LSAMP: variants seen among roughly 807,000 people sequenced by gnomAD.
LSAMP encodes the protein limbic system associated membrane protein, also known as limbic system-associated membrane protein.
In LSAMP, 7 loss-of-function variants were observed where a neutral mutation model predicts 38.6. The observed-to-expected ratio is 0.18, with a 90% CI of 0.10 to 0.34. The LOEUF (loss-of-function observed/expected upper bound fraction) is 0.34. LSAMP is among the 10% of genes least tolerant of loss of function. LSAMP has a pLI of 1.00. For synonymous variants in LSAMP, 154 were observed against 166.8 expected (o/e 0.92, Z 0.59); for missense variants, 313 against 420.0 (o/e 0.75, Z 2.23).
At chr3:116,444,765 G>A in intron 1 of LSAMP, 112 bp downstream of exon 1, 4 of 1,344,076 alleles carry the variant, frequency 3.0e-6, no homozygotes, top group African/African-American at 2.9e-5. Context: ...GCAGCATCAG[G>A]AGCTGGAGTT....
chr3:116,348,204 G>A (rs1317531831), intron 1 of LSAMP, among the ~76,000 whole-genome samples: 1 of 151,852 alleles, frequency 6.6e-6, no homozygotes, highest in Non-Finnish European at 1.5e-5. Context: ...TCTCATTCAC[G>A]ACCTGTTGTT....
At chr3:116,373,508 T>A (rs901544423) in intron 1 of LSAMP, among the ~76,000 whole-genome samples, 1 of 151,738 alleles carries the variant, frequency 6.6e-6, no homozygotes, top group African/African-American at 2.4e-5. Context: ...ATAGTAGTGA[T>A]GGTTGCACAG....
At chr3:115,866,302 C>T (rs755714962) in intron 3 of LSAMP, among the ~76,000 whole-genome samples, 19 of 152,044 alleles carry the variant, frequency 1.2e-4, no homozygotes, top group Non-Finnish European at 1.2e-4. Context: ...CCTGGAACTC[C>T]AAAAAAGCCT....
intron 5 of LSAMP, 144 bp from the exon 6 acceptor site, chr3:115,842,137 C>G: frequency 1.2e-6 from 1 of 812,958 alleles, no homozygotes; most frequent in Non-Finnish European, 1.9e-6. Context: ...CCTATTTTAA[C>G]TGTGCAATGC....
rs2048906662 is a variant in LSAMP at position 116,407,051 on chromosome 3, A to G, written c.155+37826T>C. Among the ~76,000 whole-genome samples, 2 of 152,032 alleles carry G rather than the reference A, an allele frequency of 1.3e-5. 1 individual carries two copies. The highest frequency in any genetic ancestry group is 4.1e-4 in the South Asian group (2 of 4,830). On this transcript the variant is annotated intron_variant, in intron 1 of 6. Transcript: ENST00000490035. ...GAAACTTTAACTTTCTGCCTTCACT[A>G]ATTGAATTTTTTTAATTTAAATTTC...
intron 3 of LSAMP, among the ~76,000 whole-genome samples, chr3:115,912,947 C>A (rs2107508176): frequency 6.6e-6 from 1 of 152,210 alleles, no homozygotes; most frequent in East Asian, 1.9e-4. Context: ...CTTTCAGAAT[C>A]TTTTTGGGTT....
At chr3:115,935,925 C>T (rs1300139594) in intron 3 of LSAMP, among the ~76,000 whole-genome samples, 3 of 152,162 alleles carry the variant, frequency 2.0e-5, no homozygotes, top group Non-Finnish European at 1.5e-5. Flanking sequence ...TAATACCTGT[C>T]CCAGGCAATA....
intron 1 of LSAMP, among the ~76,000 whole-genome samples, chr3:116,221,353 A>C (rs1327882899): frequency 6.6e-6 from 1 of 152,154 alleles, no homozygotes; most frequent in Non-Finnish European, 1.5e-5. Flanking sequence ...ACACATGATG[A>C]ACTAATGGAG....
At chr3:116,221,707 C>T (rs1027622905) in intron 1 of LSAMP, among the ~76,000 whole-genome samples, 18 of 152,160 alleles carry the variant, frequency 1.2e-4, no homozygotes, top group Non-Finnish European at 1.5e-5. Context: ...GATTAACGCA[C>T]CAGTGAAGAT....
At chr3:115,902,506 T>TTAAAC (rs59906603) in intron 3 of LSAMP, among the ~76,000 whole-genome samples, 66,480 of 151,264 alleles carry the variant, frequency 0.44, 14,927 homozygotes, top group African/African-American at 0.55. Context: ...ATGGATCTAA[T>TTAAAC]TAAAGAGCTT....
At chr3:116,141,841 T>C (rs1709377665) in intron 1 of LSAMP, among the ~76,000 whole-genome samples, 1 of 151,940 alleles carries the variant, frequency 6.6e-6, no homozygotes, top group African/African-American at 2.4e-5. Context: ...CAGACTATCA[T>C]TGGTTGTGGA....
At chr3:116,366,098 G>A (rs1478679176) in intron 1 of LSAMP, among the ~76,000 whole-genome samples, 1 of 134,708 alleles carries the variant, frequency 7.4e-6, no homozygotes, top group East Asian at 2.5e-4. Flanking sequence ...TACAGAATGA[G>A]AGAAAATTTT....
intron 3 of LSAMP, among the ~76,000 whole-genome samples, chr3:115,895,582 G>A (rs1043856810): frequency 5.9e-5 from 9 of 152,034 alleles, no homozygotes; most frequent in African/African-American, 1.7e-4. Context: ...AGTGCATCAA[G>A]AGGGGAAATA....
intron 1 of LSAMP, among the ~76,000 whole-genome samples, chr3:116,099,235 G>C (rs982661569): frequency 6.6e-5 from 10 of 152,166 alleles, no homozygotes; most frequent in African/African-American, 1.9e-4. Context: ...TTTAGCCTCA[G>C]AGCAGTTGTA....
At position 115,843,686 on chromosome 3, in the gene LSAMP, A is replaced by T. The variant is rs530027607; in HGVS notation, c.650-1108T>A. On this transcript the variant is annotated intron_variant, in intron 4 of 6. Coordinates refer to ENST00000490035, the MANE Select transcript of LSAMP (RefSeq NM_002338.5). The stretch of plus-strand genomic sequence containing the variant: ...ACCTGGTCTATATTCCTTGTTTCTG[A>T]TATTTTTTTTTTGTATTAAAAAACT... 2.0e-3 allele frequency among the ~76,000 whole-genome samples: 302 copies of T among 151,400 alleles called. 4 individuals carry two copies. Among genetic ancestry groups the T allele is most frequent in the African/African-American group, 6.7e-3 (276 of 41,196 alleles).
At chr3:116,441,163 G>A (rs1375078992) in intron 1 of LSAMP, among the ~76,000 whole-genome samples, 1 of 152,052 alleles carries the variant, frequency 6.6e-6, no homozygotes, top group African/African-American at 2.4e-5. Context: ...ATACTTGTTA[G>A]GTACGCTAAC....
At chr3:115,984,504 G>A (rs1322165189) in intron 3 of LSAMP, among the ~76,000 whole-genome samples, 3 of 152,166 alleles carry the variant, frequency 2.0e-5, no homozygotes, top group Admixed American at 2.0e-4. Context: ...ATTTAGCTAT[G>A]TGGTGAGAAT....
intron 1 of LSAMP, among the ~76,000 whole-genome samples, chr3:116,302,296 TC>T (rs2047421109): frequency 6.6e-6 from 1 of 152,318 alleles, no homozygotes; most frequent in East Asian, 1.9e-4. Flanking sequence ...CTAACTTTTT[TC>T]CCCCATGACT....
chr3:115,837,327 A>C (rs552397756), intron 6 of LSAMP, among the ~76,000 whole-genome samples: 44 of 151,900 alleles, frequency 2.9e-4, no homozygotes, highest in African/African-American at 1.0e-3. Flanking sequence ...TTTTGTACTC[A>C]AAAGCCTCAA....
Sources: gnomAD v4.1 joint callset for allele counts (sites outside exome capture counted in the v4.1 genomes callset) on GRCh38, gnomAD v4.1.1 for gene constraint, MANE v1.5 for transcripts, NCBI Gene and HGNC (gene_info 2026-07-23, HGNC 2026-07-21) for gene names.